DAB1: variants seen among roughly 807,000 people sequenced by gnomAD.
The protein encoded by DAB1 is DAB adaptor protein 1.
DAB1 carries 15 observed loss-of-function variants against 64.6 expected under a neutral mutation model. The observed-to-expected ratio is 0.23, with a 90% CI of 0.16 to 0.36. The LOEUF (loss-of-function observed/expected upper bound fraction) is 0.36. Ranked by LOEUF, DAB1 falls within the 10% of genes least tolerant of loss-of-function variation. DAB1 has a pLI of 1.00. For synonymous variants in DAB1, 235 were observed against 251.9 expected, an observed-to-expected ratio of 0.93 and a Z score of 0.64; for missense variants, 596 against 706.7, an observed-to-expected ratio of 0.84 and a Z score of 1.78.
chr1:57,052,487 T>C (rs571724461), intron 9 of DAB1, among the ~76,000 whole-genome samples: 2 of 152,326 alleles, frequency 1.3e-5, no homozygotes, highest in South Asian at 2.1e-4. Context: ...AACTGGATTA[T>C]AATACTTGAG....
intron 5 of DAB1, among the ~76,000 whole-genome samples, chr1:57,940,205 G>A (rs1031964076): frequency 6.6e-6 from 1 of 152,172 alleles, no homozygotes; most frequent in African/African-American, 2.4e-5. Flanking sequence ...CCTAAGCCCA[G>A]GGCATTTCAA....
At chr1:58,203,233 G>A (rs1287170417) in intron 4 of DAB1, among the ~76,000 whole-genome samples, 2 of 152,162 alleles carry the variant, frequency 1.3e-5, no homozygotes, top group African/African-American at 4.8e-5. Context: ...AAACTCTTAA[G>A]TAATGATTTG....
At chr1:57,206,724 ACTGAGTCCTAAG>A (rs1319616166) in intron 2 of DAB1, among the ~76,000 whole-genome samples, 1 of 152,164 alleles carries the variant, frequency 6.6e-6, no homozygotes, top group African/African-American at 2.4e-5. Context: ...ATAAACTAGA[ACTGAGTCCTAAG>A]CAAGGGGCTT....
At chr1:58,292,100 T>TG (rs1661857535) in intron 4 of DAB1, among the ~76,000 whole-genome samples, 2 of 152,150 alleles carry the variant, frequency 1.3e-5, no homozygotes, top group Admixed American at 1.3e-4. Flanking sequence ...TTTTGCCTCA[T>TG]TTTTTACCAC....
intron 2 of DAB1, among the ~76,000 whole-genome samples, chr1:57,275,273 T>C (rs1453422259): frequency 6.6e-6 from 1 of 152,172 alleles, no homozygotes; most frequent in Non-Finnish European, 1.5e-5. Context: ...TGTCTGACTT[T>C]TTGATTTAGC....
intron 7 of DAB1, among the ~76,000 whole-genome samples, chr1:57,436,647 C>T (rs558665586): frequency 1.1e-4 from 17 of 152,288 alleles, no homozygotes; most frequent in Middle Eastern, 3.4e-3. Context: ...TCCATTAATG[C>T]GAGAATGGTT....
intron 4 of DAB1, among the ~76,000 whole-genome samples, chr1:58,285,532 G>T (rs549966109): frequency 6.6e-6 from 1 of 152,050 alleles, no homozygotes; most frequent in African/African-American, 2.4e-5. Context: ...CAACAGGCAA[G>T]CAGAGAGCCA....
intron 4 of DAB1, among the ~76,000 whole-genome samples, chr1:58,331,619 G>C (rs1477475120): frequency 6.6e-6 from 1 of 152,156 alleles, no homozygotes; most frequent in Non-Finnish European, 1.5e-5. Context: ...ACCCTGATCA[G>C]TTAGCAGTCA....
chr1:58,363,802 C>T (rs1369280968), intron 3 of DAB1, among the ~76,000 whole-genome samples: 1 of 152,210 alleles, frequency 6.6e-6, no homozygotes, highest in Non-Finnish European at 1.5e-5. Context: ...TAATCACATC[C>T]AGCTTCCTCT....
chr1:57,602,891 G>T (rs1645591187), intron 7 of DAB1, among the ~76,000 whole-genome samples: 1 of 152,102 alleles, frequency 6.6e-6, no homozygotes, highest in South Asian at 2.1e-4. Flanking sequence ...GGAACTTGGG[G>T]TGCTATTTCC....
chr1:57,211,347 T>G (rs539311953), intron 2 of DAB1, among the ~76,000 whole-genome samples: 1 of 152,290 alleles, frequency 6.6e-6, no homozygotes, highest in East Asian at 1.9e-4. Flanking sequence ...GCCATGGTGT[T>G]AAAAGTGATA....
At chr1:57,992,499 T>C (rs1646359540) in intron 5 of DAB1, among the ~76,000 whole-genome samples, 1 of 152,152 alleles carries the variant, frequency 6.6e-6, no homozygotes, top group African/African-American at 2.4e-5. Context: ...AAGGGAAATT[T>C]TGCTCCCTGC....
chr1:57,928,161 T>C lies in DAB1; in HGVS notation n.388-43999A>G, dbSNP rs563019293. 2.6e-5 allele frequency among the ~76,000 whole-genome samples: 4 copies of C among 152,286 alleles called. No individual in the cohort carries two copies. The East Asian group carries it at 7.7e-4, about 29-fold the overall frequency. Reference sequence around the variant, plus strand: ...TTACAAAGACATATACATACAGCACTTGCACGATCAAAGTCCTTATCAAGG... The same window carrying C: ...TTACAAAGACATATACATACAGCACCTGCACGATCAAAGTCCTTATCAAGG... On this transcript the variant is annotated intron_variant and non_coding_transcript_variant, in intron 5 of 20. Coordinates refer to the DAB1 transcript ENST00000485760.
chr1:57,382,114 G>T (rs976457240), intron 1 of DAB1, among the ~76,000 whole-genome samples: 2 of 152,200 alleles, frequency 1.3e-5, no homozygotes, highest in African/African-American at 4.8e-5. Flanking sequence ...TCCCGTCTCA[G>T]TTGAGAGACT....
Position 58,170,031 on chromosome 1 carries a change from C to T in DAB1, n.310-19443G>A, listed in dbSNP as rs985463033. On this transcript the variant is annotated intron_variant and non_coding_transcript_variant, in intron 4 of 20. Coordinates refer to the DAB1 transcript ENST00000485760. ...ATGTCATGCTATTATTAGATCAAAC[C>T]CCGGCATTTAATGAAAAGAATGCAG... Among the ~76,000 whole-genome samples the T allele has an allele frequency of 7.2e-5, 11 of 152,218 alleles. 1 individual carries two copies. The East Asian group carries it at 2.1e-3, about 29-fold the overall frequency.
intron 1 of DAB1, among the ~76,000 whole-genome samples, chr1:57,839,733 T>C (rs1652967050): frequency 6.6e-6 from 1 of 152,206 alleles, no homozygotes; most frequent in Non-Finnish European, 1.5e-5. Context: ...ATTATCATTC[T>C]GTTTTACTGT....
rs141762304 is a variant in DAB1 at position 58,515,703 on chromosome 1, C to T, written n.108-9494G>A. On this transcript the variant is annotated intron_variant and non_coding_transcript_variant, in intron 2 of 20. Transcript: ENST00000485760. Reference sequence around the variant, plus strand: ...ACCTAAAACAGTAACCCAAATAAAACGCAAAGATACTTTGCTGTGATGAAA... The same window carrying T: ...ACCTAAAACAGTAACCCAAATAAAATGCAAAGATACTTTGCTGTGATGAAA... Among the ~76,000 whole-genome samples, 9 of 152,182 alleles carry T rather than the reference C, an allele frequency of 5.9e-5. 1 individual carries two copies. The highest frequency in any genetic ancestry group is 1.3e-4 in the Admixed American group (2 of 15,280).
intron 1 of DAB1, among the ~76,000 whole-genome samples, chr1:57,872,450 T>C (rs759137861): frequency 4.6e-5 from 7 of 152,244 alleles, no homozygotes; most frequent in Non-Finnish European, 1.0e-4. Context: ...GATCTTGGAA[T>C]TCCCAGCCTT....
chr1:57,756,618 A>G (rs147361539), intron 6 of DAB1, among the ~76,000 whole-genome samples: 299 of 152,126 alleles, frequency 2.0e-3, no homozygotes, highest in Non-Finnish European at 2.5e-3. Context: ...ATAAATTGAG[A>G]TCAGTGTGGG....
Sources: gnomAD v4.1 joint callset for allele counts (sites outside exome capture counted in the v4.1 genomes callset) on GRCh38, gnomAD v4.1.1 for gene constraint, MANE v1.5 for transcripts, NCBI Gene and HGNC (gene_info 2026-07-23, HGNC 2026-07-21) for gene names.